Variants in DMD observed in about 807,000 individuals in gnomAD.
DMD encodes mutant dystrophin.
DMD carries 63 observed loss-of-function variants against 330.1 expected under a neutral mutation model. The ratio of observed to expected loss-of-function variants is 0.19; its 90% confidence interval spans 0.16 to 0.24. The LOEUF (loss-of-function observed/expected upper bound fraction) is 0.24. DMD is among the 10% of genes least tolerant of loss of function. The pLI is 1.00. For synonymous variants in DMD, 1,223 were observed against 959.8 expected (o/e 1.27, Z -5.07); for missense variants, 3,344 against 2,684.1 (o/e 1.25, Z -5.43).
intron 53 of DMD, among the ~76,000 whole-genome samples, chrX:31,677,296 G>A (rs969974710): frequency 6.3e-5 from 7 of 110,921 alleles, no homozygotes; most frequent in African/African-American, 2.3e-4. Context: ...ATTTTCTTAG[G>A]TTAAATTTAT....
chrX:33,147,250 A>T (rs1414312078), intron 1 of DMD, among the ~76,000 whole-genome samples: 4 of 112,178 alleles, frequency 3.6e-5, no homozygotes, highest in Non-Finnish European at 7.5e-5. Flanking sequence ...TTTATCTCAA[A>T]TACAGAACTT....
intron 9 of DMD, among the ~76,000 whole-genome samples, chrX:32,677,162 T>C (rs1015005849): frequency 9.0e-6 from 1 of 111,411 alleles, no homozygotes; most frequent in Non-Finnish European, 1.9e-5. Flanking sequence ...ATAACCTTTG[T>C]TCTAAGTACA....
At chrX:32,631,500 G>C (rs758750450) in intron 11 of DMD, among the ~76,000 whole-genome samples, 1 of 111,991 alleles carries the variant, frequency 8.9e-6, no homozygotes, top group African/African-American at 3.2e-5. Context: ...TTCTCACAAT[G>C]CTATAAAGAA....
At chrX:33,150,614 G>T (rs1225547018) in intron 1 of DMD, among the ~76,000 whole-genome samples, 1 of 108,860 alleles carries the variant, frequency 9.2e-6, no homozygotes. Context: ...AGTCTTAATT[G>T]CTATTCCTTG....
chrX:31,147,285 A>C lies in DMD; in HGVS notation c.10787T>G (p.Leu3596Arg). 2 of 1,210,996 alleles carry C rather than the reference A, an allele frequency of 1.7e-6. No individual in the cohort carries two copies. Among genetic ancestry groups the C allele is most frequent in the Non-Finnish European group, 2.2e-6 (2 of 895,030 alleles). The change falls in exon 75 of 79, where the codon CTG (leucine) becomes CGG (arginine). Residue 3596 changes from leucine to arginine, a missense_variant. Leu to Arg is a moderately radical substitution (Grantham distance 102). Coordinates refer to ENST00000357033, the MANE Select transcript of DMD (RefSeq NM_004006.3). ...CATCTCTCTCCTCACTTGCTCCAGC[A>C]GCTGCCTTAGCCTGTGTAACTGTGA... ...LESQLHRLRQLLEQPQAEAKV... is the reference protein window; with the variant it reads ...LESQLHRLRQRLEQPQAEAKV...
intron 2 of DMD, among the ~76,000 whole-genome samples, chrX:32,891,051 TAAATA>T: frequency 8.9e-6 from 1 of 112,517 alleles, no homozygotes; most frequent in East Asian, 2.8e-4. Flanking sequence ...ATATTTTAGC[TAAATA>T]AAACATTAAT....
chrX:31,930,136 A>G (rs1003282568), intron 46 of DMD, among the ~76,000 whole-genome samples: 3 of 111,042 alleles, frequency 2.7e-5, no homozygotes, highest in Non-Finnish European at 5.7e-5. Flanking sequence ...CTGCTGAGAA[A>G]TTGCATTATC....
chrX:31,414,441 A>C (rs2061779680), intron 60 of DMD, among the ~76,000 whole-genome samples: 1 of 112,505 alleles, frequency 8.9e-6, no homozygotes, highest in Non-Finnish European at 1.9e-5. Context: ...AATAAAAAGT[A>C]GTCATACTGA....
intron 63 of DMD, among the ~76,000 whole-genome samples, chrX:31,230,337 T>C (rs905258239): frequency 8.9e-6 from 1 of 111,963 alleles, no homozygotes; most frequent in Non-Finnish European, 1.9e-5. Flanking sequence ...CCAATGACTT[T>C]GTAAAACTCT....
chrX:31,451,122 T>G, intron 59 of DMD, among the ~76,000 whole-genome samples: 1 of 106,241 alleles, frequency 9.4e-6, no homozygotes, highest in Non-Finnish European at 1.9e-5. Context: ...TTCAGGAGAC[T>G]TTTCTTTTCT....
At chrX:31,485,372 T>C (rs1032497051) in intron 57 of DMD, among the ~76,000 whole-genome samples, 18 of 110,243 alleles carry the variant, frequency 1.6e-4, no homozygotes, top group African/African-American at 4.6e-4. Context: ...TTTTTTGTAT[T>C]TTTAGTAGAG....
intron 75 of DMD, 147 bp from the exon 76 acceptor site, chrX:31,146,561 T>G: frequency 1.7e-6 from 1 of 584,626 alleles, no homozygotes; most frequent in South Asian, 2.7e-5. Flanking sequence ...TTTGGGATAT[T>G]TCACTGTTGA....
At chrX:32,532,227 A>T (rs757825954) in intron 17 of DMD, among the ~76,000 whole-genome samples, 1 of 111,777 alleles carries the variant, frequency 8.9e-6, no homozygotes, top group Non-Finnish European at 1.9e-5. Context: ...TCAGTGAAAA[A>T]GGTCTCTGTA....
At chrX:32,149,206 G>A (rs1375342838) in intron 44 of DMD, among the ~76,000 whole-genome samples, 3 of 111,339 alleles carry the variant, frequency 2.7e-5, no homozygotes, top group Non-Finnish European at 3.8e-5. Context: ...AGGGATACAC[G>A]GAGCCAGCAG....
chrX:33,303,300 A>G (rs751723691), intron 1 of DMD, among the ~76,000 whole-genome samples: 1 of 111,736 alleles, frequency 8.9e-6, no homozygotes, highest in Admixed American at 9.6e-5. Context: ...GTTATGTGGT[A>G]TATATAACAA....
chrX:32,496,751 C>T (rs191390554), intron 19 of DMD, among the ~76,000 whole-genome samples: 5 of 112,460 alleles, frequency 4.4e-5, no homozygotes, highest in Admixed American at 2.8e-4. Context: ...TAGACTTAAA[C>T]GAAGAAAAAT....
intron 2 of DMD, among the ~76,000 whole-genome samples, chrX:32,949,916 G>A (rs1186627010): frequency 3.7e-5 from 4 of 109,262 alleles, no homozygotes; most frequent in African/African-American, 1.3e-4. Flanking sequence ...ATCTCTTTGT[G>A]GATATGTGAC....
At chrX:32,336,105 CAT>C (rs1173211213) in intron 41 of DMD, among the ~76,000 whole-genome samples, 20 of 108,591 alleles carry the variant, frequency 1.8e-4, no homozygotes, top group South Asian at 3.9e-4. Context: ...TGTATACGTA[CAT>C]GTTATATATG....
intron 2 of DMD, among the ~76,000 whole-genome samples, chrX:32,886,662 G>C (rs776509057): frequency 9.0e-6 from 1 of 110,628 alleles, no homozygotes; most frequent in East Asian, 2.9e-4. Context: ...CAGCCTGGGC[G>C]ACAGAGCAAG....
Sources: gnomAD v4.1 joint callset for allele counts (sites outside exome capture counted in the v4.1 genomes callset) on GRCh38, gnomAD v4.1.1 for gene constraint, MANE v1.5 for transcripts, NCBI Gene and HGNC (gene_info 2026-07-23, HGNC 2026-07-21) for gene names.